Variants in CCN4 observed in about 807,000 individuals in gnomAD.
CCN4 encodes cellular communication network factor 4.
A neutral mutation model predicts 36.7 loss-of-function variants in CCN4; 30 were observed. That is an observed-to-expected ratio of 0.82 (90% CI 0.61 to 1.11). The LOEUF is 1.11. Among genes scored for constraint, CCN4 ranks in the 50% least tolerant of loss-of-function variants. The pLI is 0.00. For missense variants in CCN4, 505 were observed against 504.9 expected (o/e 1.00, Z 0.00); for synonymous variants, 191 against 195.4 (o/e 0.98, Z 0.19).
rs185291336 is a variant in CCN4, at chr8:133,192,549, A to T, written c.69+1336A>T. On this transcript the variant is annotated intron_variant, in intron 1 of 4. Coordinates refer to ENST00000250160, the MANE Select transcript of CCN4 (RefSeq NM_003882.4). The stretch of plus-strand genomic sequence containing the variant: ...ATAAGTGGCCAGGGCCCAAACTTAG[A>T]TCTTCTGATGCCAATTTCTAACCAT... 3.2e-3 allele frequency among the ~76,000 whole-genome samples: 489 copies of T among 152,364 alleles called. 2 individuals carry two copies. Among genetic ancestry groups the T allele is most frequent in the Admixed American group, 8.5e-3 (130 of 15,308 alleles).
At chr8:133,200,539 G>C (rs531002632) in intron 1 of CCN4, among the ~76,000 whole-genome samples, 2 of 152,214 alleles carry the variant, frequency 1.3e-5, no homozygotes, top group African/African-American at 4.8e-5. Flanking sequence ...AAAGGCCCTC[G>C]GTTACATATG....
Position 133,230,846 on chromosome 8 carries a change from T to C in CCN4, c.*3136T>C, listed in dbSNP as rs1854933243. The C allele has an allele frequency of 6.6e-6, 1 of 152,196 alleles. No individual in the cohort carries two copies. The highest frequency in any genetic ancestry group is 1.5e-5 in the Non-Finnish European group (1 of 68,042). The allele number at this position is 152,196 out of a possible 1,614,324, so 9.4% of individuals were successfully genotyped here. On this transcript the variant is annotated 3_prime_UTR_variant, in exon 5 of 5. Coordinates refer to ENST00000250160, the MANE Select transcript of CCN4 (RefSeq NM_003882.4). ...TTGTGGAAGGTGCTTTCCTGCCATA[T>C]CTCATTTAATCCTCACAGCAAACCT...
chr8:133,207,342 C>T (rs1218066787), intron 1 of CCN4, among the ~76,000 whole-genome samples: 1 of 152,214 alleles, frequency 6.6e-6, no homozygotes, highest in South Asian at 2.1e-4. Flanking sequence ...CAACAAGAAC[C>T]CTGAAGGGAC....
At chr8:133,219,099 C>T (rs1193549984) in intron 2 of CCN4, among the ~76,000 whole-genome samples, 23 of 152,298 alleles carry the variant, frequency 1.5e-4, no homozygotes, top group Admixed American at 8.5e-4. Context: ...GACTCAGCAC[C>T]GTGAGTGTTC....
intron 1 of CCN4, among the ~76,000 whole-genome samples, chr8:133,211,768 T>C (rs1312455777): frequency 6.6e-6 from 1 of 152,220 alleles, no homozygotes; most frequent in Non-Finnish European, 1.5e-5. Context: ...GGATGATCCA[T>C]GGCTTGCCCA....
In CCN4 at chr8:133,231,409, G is replaced by A. The variant is rs1040233779; in HGVS notation, c.*3699G>A. On this transcript the variant is annotated 3_prime_UTR_variant, in exon 5 of 5. Transcript: ENST00000250160. The stretch of plus-strand genomic sequence containing the variant: ...TTTGTGACTGAAAAACTACACATGA[G>A]GAAACGTCTTAGAATTTTCCAATAG... The A allele has an allele frequency of 3.3e-5, 5 of 152,058 alleles. No individual in the cohort carries two copies. The highest frequency in any genetic ancestry group is 9.7e-5 in the African/African-American group (4 of 41,390). 9.4% of individuals were successfully genotyped at this position (152,058 alleles called of 1,614,324 possible).
intron 1 of CCN4, among the ~76,000 whole-genome samples, chr8:133,208,705 T>A (rs1853872634): frequency 6.6e-6 from 1 of 152,074 alleles, no homozygotes. Context: ...CACTGATCTA[T>A]TCCCACCCCC....
intron 1 of CCN4, among the ~76,000 whole-genome samples, chr8:133,207,258 AC>A (rs1171622368): frequency 6.6e-6 from 1 of 152,174 alleles, no homozygotes; most frequent in Non-Finnish European, 1.5e-5. Context: ...GCACTAGACC[AC>A]CCGAATGGCA....
chr8:133,222,548 G>C (rs1401675149), intron 3 of CCN4, among the ~76,000 whole-genome samples: 1 of 151,628 alleles, frequency 6.6e-6, no homozygotes, highest in East Asian at 2.0e-4. Flanking sequence ...GATGGCCTGA[G>C]GGTAACATCC....
At chr8:133,227,021 T>G (rs938323505) in intron 4 of CCN4, among the ~76,000 whole-genome samples, 1 of 152,208 alleles carries the variant, frequency 6.6e-6, no homozygotes, top group Non-Finnish European at 1.5e-5. Context: ...GCGTGTCCCC[T>G]GAGTGTGGAG....
intron 3 of CCN4, among the ~76,000 whole-genome samples, chr8:133,223,404 T>C (rs1357577147): frequency 6.6e-6 from 1 of 152,268 alleles, no homozygotes; most frequent in East Asian, 1.9e-4. Flanking sequence ...CTGCCCCTCC[T>C]GTCCTTGGAT....
chr8:133,213,144 G>GT lies in CCN4; in HGVS notation c.349+2dup. The GT allele has an allele frequency of 6.9e-7, 1 of 1,454,186 alleles. No individual in the cohort carries two copies. The highest frequency in any genetic ancestry group is 9.1e-7 in the Non-Finnish European group (1 of 1,103,500). The allele number at this position is 1,454,186 out of a possible 1,614,324, so 90.1% of individuals were successfully genotyped here. On this transcript the variant is annotated splice_donor_variant, in intron 2 of 4. Transcript: ENST00000250160. LOFTEE classifies it high-confidence loss of function. ...AGGTACGCAATAGGAGTGTGTGCAC[G>GT]TAAGTGAGTCCTCCATACCTTCTGA...
intron 1 of CCN4, among the ~76,000 whole-genome samples, chr8:133,205,003 G>A (rs577922859): frequency 1.3e-5 from 2 of 152,344 alleles, no homozygotes; most frequent in East Asian, 3.9e-4. Context: ...AAAGCCCCAG[G>A]GTAGTTGTAC....
At position 133,231,141 on chromosome 8, in the gene CCN4, T is replaced by C. The variant is rs897142040; in HGVS notation, c.*3431T>C. The C allele has an allele frequency of 1.3e-5, 2 of 152,234 alleles. No homozygotes were observed. The highest frequency in any genetic ancestry group is 4.8e-5 in the African/African-American group (2 of 41,458). The allele number at this position is 152,234 out of a possible 1,614,324, so 9.4% of individuals were successfully genotyped here. A position where few individuals can be genotyped will look rare whatever the true frequency, so the allele number is the denominator to read the frequency against. On this transcript the variant is annotated 3_prime_UTR_variant, in exon 5 of 5. Coordinates refer to ENST00000250160, the MANE Select transcript of CCN4 (RefSeq NM_003882.4). ...TAGATTCGAATGACATGATTGTCTATAATCTCGCTAGCCTTGTACTGTGTG... is the reference window on the plus strand; with the variant it reads ...TAGATTCGAATGACATGATTGTCTACAATCTCGCTAGCCTTGTACTGTGTG...
intron 1 of CCN4, among the ~76,000 whole-genome samples, chr8:133,193,327 C>T (rs1464763073): frequency 1.3e-5 from 2 of 152,170 alleles, no homozygotes; most frequent in African/African-American, 4.8e-5. Context: ...GGGGACTTCT[C>T]TGGGAGATAT....
At position 133,224,229 on chromosome 8, in the gene CCN4, C is replaced by CTTTTTTTTTTTTTT. The variant is rs59929763; in HGVS notation, c.611-1145_611-1132dup. Among the ~76,000 whole-genome samples, 12 of 88,494 alleles carry CTTTTTTTTTTTTTT rather than the reference C, an allele frequency of 1.4e-4. 6 individuals carry two copies. The highest frequency in any genetic ancestry group is 1.8e-4 in the African/African-American group (4 of 22,448). 58.1% of individuals were successfully genotyped at this position (88,494 alleles called of 152,430 possible). On this transcript the variant is annotated intron_variant, in intron 3 of 4. Transcript: ENST00000250160. Reference sequence around the variant, plus strand: ...GATTTGAATTTGAAGCCCGTAAGTCCTTTTTTTTTTTTTTTTTTTTTTTTT... The same window carrying CTTTTTTTTTTTTTT: ...GATTTGAATTTGAAGCCCGTAAGTCCTTTTTTTTTTTTTTTTTTTTTTTTTTTTTTTTTTTTTTT...
intron 1 of CCN4, among the ~76,000 whole-genome samples, chr8:133,202,499 T>C (rs1386433158): frequency 6.6e-6 from 1 of 152,188 alleles, no homozygotes; most frequent in Non-Finnish European, 1.5e-5. Context: ...GGGCTCGTTA[T>C]CTGGAAAAAA....
At chr8:133,196,540 C>T (rs1012926653) in intron 1 of CCN4, among the ~76,000 whole-genome samples, 1 of 152,004 alleles carries the variant, frequency 6.6e-6, no homozygotes, top group Non-Finnish European at 1.5e-5. Flanking sequence ...TAGATGGTGT[C>T]GGCCTAGAAA....
chr8:133,227,035 C>T lies in CCN4; in HGVS notation c.805-376C>T, dbSNP rs3824241. 1.2e-3 allele frequency among the ~76,000 whole-genome samples: 181 copies of T among 152,284 alleles called. 2 individuals are homozygous for T. In the East Asian group the frequency reaches 0.026, roughly 22 times the overall value. ...AGCGTGTCCCCTGAGTGTGGAGTCC[C>T]GATGCCAGTTCTGCCACTAGCTAGC... On this transcript the variant is annotated intron_variant, in intron 4 of 4. Coordinates refer to ENST00000250160, the MANE Select transcript of CCN4 (RefSeq NM_003882.4).
Sources: gnomAD v4.1 joint callset for allele counts (sites outside exome capture counted in the v4.1 genomes callset) on GRCh38, gnomAD v4.1.1 for gene constraint, MANE v1.5 for transcripts, NCBI Gene and HGNC (gene_info 2026-07-23, HGNC 2026-07-21) for gene names.